Variants in PARD3 observed in about 807,000 individuals in gnomAD.
PARD3 encodes the protein partitioning defective 3 homolog.
A neutral mutation model predicts 155.4 loss-of-function variants in PARD3; 75 were observed. The ratio of observed to expected loss-of-function variants is 0.48; its 90% CI spans 0.40 to 0.58. The LOEUF (loss-of-function observed/expected upper bound fraction) is 0.58, where lower values mean the gene tolerates loss of function less well. Among genes scored for constraint, PARD3 ranks in the 20% least tolerant of loss-of-function variants. The pLI, the probability that PARD3 is intolerant of heterozygous loss-of-function variation, is 0.00. For missense variants in PARD3, 1,642 were observed against 1,721.7 expected (o/e 0.95, Z 0.82); for synonymous variants, 576 against 610.5 (o/e 0.94, Z 0.83).
At chr10:34,646,298 A>C (rs1235022185) in intron 2 of PARD3, among the ~76,000 whole-genome samples, 2 of 152,222 alleles carry the variant, frequency 1.3e-5, no homozygotes, top group Non-Finnish European at 2.9e-5. Flanking sequence ...ATAATTTAGA[A>C]AATAATATAC....
chr10:34,545,324 G>A (rs530401453), intron 2 of PARD3, among the ~76,000 whole-genome samples: 15 of 152,272 alleles, frequency 9.9e-5, no homozygotes, highest in Middle Eastern at 3.4e-3. Flanking sequence ...GAACTTAACA[G>A]ATAACCTGGG....
At chr10:34,499,056 C>T (rs999721711) in intron 3 of PARD3, among the ~76,000 whole-genome samples, 2 of 152,096 alleles carry the variant, frequency 1.3e-5, no homozygotes, top group Admixed American at 6.5e-5. Flanking sequence ...GGAAGACATA[C>T]AGCAGCCAAG....
chr10:34,395,266 C>CT (rs1843207332), intron 7 of PARD3, among the ~76,000 whole-genome samples: 2 of 152,184 alleles, frequency 1.3e-5, no homozygotes, highest in African/African-American at 4.8e-5. Context: ...AACTCTTGAC[C>CT]TGAAGTGCTC....
chr10:34,224,462 C>T (rs1305259212), intron 22 of PARD3, among the ~76,000 whole-genome samples: 1 of 152,246 alleles, frequency 6.6e-6, no homozygotes, highest in Non-Finnish European at 1.5e-5. Flanking sequence ...CAGAGCTTTA[C>T]ACACTCTAAA....
intron 22 of PARD3, among the ~76,000 whole-genome samples, chr10:34,170,845 T>C (rs1055718403): frequency 6.6e-6 from 1 of 152,208 alleles, no homozygotes; most frequent in African/African-American, 2.4e-5. Flanking sequence ...AATATTTAAG[T>C]AAGACCTTCA....
chr10:34,596,977 T>C (rs1242241700), intron 2 of PARD3, among the ~76,000 whole-genome samples: 2 of 152,180 alleles, frequency 1.3e-5, no homozygotes, highest in Admixed American at 1.3e-4. Context: ...TACACCCCCG[T>C]GCCAAAGATA....
chr10:34,624,169 A>G (rs2091861088), intron 2 of PARD3, among the ~76,000 whole-genome samples: 1 of 152,138 alleles, frequency 6.6e-6, no homozygotes, highest in South Asian at 2.1e-4. Context: ...ACTGCGTTTC[A>G]TGACTGCATG....
chr10:34,812,904 A>G (rs576546421), intron 1 of PARD3, among the ~76,000 whole-genome samples: 2 of 152,156 alleles, frequency 1.3e-5, no homozygotes, highest in Non-Finnish European at 2.9e-5. Context: ...CTAATCGTTA[A>G]TAAGGACCAG....
intron 4 of PARD3, among the ~76,000 whole-genome samples, chr10:34,460,885 C>T (rs1213526583): frequency 6.6e-6 from 1 of 152,110 alleles, no homozygotes; most frequent in Non-Finnish European, 1.5e-5. Flanking sequence ...AGTACCTACA[C>T]TTCTGGTATA....
intron 22 of PARD3, among the ~76,000 whole-genome samples, chr10:34,204,721 T>G (rs1184882817): frequency 6.6e-6 from 1 of 150,482 alleles, no homozygotes; most frequent in Non-Finnish European, 1.5e-5. Context: ...AATAAGAGGA[T>G]CTGAATTCAT....
At chr10:34,680,585 G>A (rs1028332564) in intron 2 of PARD3, among the ~76,000 whole-genome samples, 5 of 149,934 alleles carry the variant, frequency 3.3e-5, no homozygotes, top group Admixed American at 2.7e-4. Flanking sequence ...GGGAGGGGAA[G>A]GGGAATGAGA....
intron 1 of PARD3, among the ~76,000 whole-genome samples, chr10:34,734,858 C>A (rs1173397224): frequency 9.2e-5 from 14 of 151,868 alleles, no homozygotes; most frequent in Middle Eastern, 3.4e-3. Flanking sequence ...ACCCAAAAGC[C>A]AGGAAGTTTA....
At chr10:34,433,078 A>C (rs1415958777) in intron 5 of PARD3, among the ~76,000 whole-genome samples, 1 of 152,188 alleles carries the variant, frequency 6.6e-6, no homozygotes, top group Non-Finnish European at 1.5e-5. Context: ...TAAAATGTTT[A>C]CTTTCAATAA....
chr10:34,206,965 A>G (rs566244427), intron 22 of PARD3, among the ~76,000 whole-genome samples: 30 of 152,192 alleles, frequency 2.0e-4, no homozygotes, highest in South Asian at 8.3e-4. Context: ...CACAGGATCA[A>G]TCCTGGACTC....
At chr10:34,620,895 A>G (rs2132707902) in intron 2 of PARD3, among the ~76,000 whole-genome samples, 1 of 152,356 alleles carries the variant, frequency 6.6e-6, no homozygotes, top group East Asian at 1.9e-4. Context: ...ATCTTGCCAC[A>G]TTTTGCTACA....
chr10:34,481,528 G>C (rs896915112), intron 3 of PARD3, among the ~76,000 whole-genome samples: 2 of 152,300 alleles, frequency 1.3e-5, no homozygotes, highest in East Asian at 3.9e-4. Flanking sequence ...GTACAGTTCA[G>C]GGGAAAAGTT....
chr10:34,116,808 T>C (rs1220352388), intron 24 of PARD3, among the ~76,000 whole-genome samples: 1 of 152,192 alleles, frequency 6.6e-6, no homozygotes, highest in East Asian at 1.9e-4. Context: ...GCTGTAGTTA[T>C]TTAGGGCACC....
chr10:34,520,210 T>C (rs757909861), intron 2 of PARD3, among the ~76,000 whole-genome samples: 3 of 152,180 alleles, frequency 2.0e-5, no homozygotes, highest in Non-Finnish European at 4.4e-5. Context: ...CCATTTATCA[T>C]CGACACAACA....
In PARD3 at chr10:34,360,238, C is replaced by G. The variant is rs749384069; in HGVS notation, c.1729G>C (p.Val577Leu). The change falls in exon 13 of 25, where the codon GTT (valine) becomes CTT (leucine). Residue 577 changes from valine (V) to leucine (L), a missense_variant. Val to Leu is a conservative substitution (Grantham distance 32, BLOSUM62 1). Transcript: ENST00000374788. ...KETKAEDEDI[V>L]LTPDGTREFL... ...TCCCTGGTGCCATCAGGTGTAAGAACAATATCCTCATCTTCTGCTTTCTAA... is the reference window on the plus strand; with the variant it reads ...TCCCTGGTGCCATCAGGTGTAAGAAGAATATCCTCATCTTCTGCTTTCTAA... 1 of 1,613,112 alleles carries G rather than the reference C, an allele frequency of 6.2e-7. No homozygotes were observed. Among genetic ancestry groups the G allele is most frequent in the Admixed American group, 1.7e-5 (1 of 60,020 alleles).
Sources: allele counts gnomAD v4.1 joint callset (sites outside exome capture counted in the v4.1 genomes callset), GRCh38; gene constraint gnomAD v4.1.1; transcripts MANE v1.5; gene names NCBI Gene and HGNC (gene_info 2026-07-23, HGNC 2026-07-21).